The following ABI1 variants were observed in gnomAD, a reference collection of about 807,000 sequenced individuals.
ABI1 encodes abl interactor 1.
Under a neutral mutation model 54.6 loss-of-function variants are expected in ABI1, and 14 were observed. The ratio of observed to expected loss-of-function variants is 0.26; its 90% CI spans 0.17 to 0.40. The LOEUF (loss-of-function observed/expected upper bound fraction) is 0.40. ABI1 is among the 10% of genes least tolerant of loss of function. The pLI is 1.00. For synonymous variants in ABI1, 194 were observed against 209.3 expected, an observed-to-expected ratio of 0.93 and a Z score of 0.63; for missense variants, 443 against 598.3, an observed-to-expected ratio of 0.74 and a Z score of 2.71.
intron 1 of ABI1, among the ~76,000 whole-genome samples, chr10:26,846,007 G>A (rs955800017): frequency 5.9e-5 from 9 of 151,946 alleles, no homozygotes; most frequent in African/African-American, 1.4e-4. Context: ...AGCCAGGCAC[G>A]GTGGTGGGTA....
At chr10:26,859,912 G>A (rs796078927) in intron 1 of ABI1, among the ~76,000 whole-genome samples, 61 of 152,098 alleles carry the variant, frequency 4.0e-4, no homozygotes, top group African/African-American at 1.4e-3. Context: ...AGAACAATTC[G>A]TGTTTGATAA....
At chr10:26,809,137 G>A (rs746338595) in intron 2 of ABI1, among the ~76,000 whole-genome samples, 1 of 151,978 alleles carries the variant, frequency 6.6e-6, no homozygotes, top group African/African-American at 2.4e-5. Flanking sequence ...GAGCATGGTG[G>A]TGGGCGCCTT....
chr10:26,799,625 A>C (rs900807851), intron 2 of ABI1, among the ~76,000 whole-genome samples: 1 of 152,214 alleles, frequency 6.6e-6, no homozygotes, highest in African/African-American at 2.4e-5. Context: ...TCAGAGCTAA[A>C]ACTGAGAGAT....
At chr10:26,786,373 C>T (rs140438283) in intron 2 of ABI1, among the ~76,000 whole-genome samples, 120 of 152,198 alleles carry the variant, frequency 7.9e-4, no homozygotes, top group African/African-American at 2.7e-3. Flanking sequence ...TGCCCCCACA[C>T]CCGGCTTATT....
chr10:26,855,671 C>T (rs2050740238), intron 1 of ABI1, among the ~76,000 whole-genome samples: 1 of 152,102 alleles, frequency 6.6e-6, no homozygotes, highest in Admixed American at 6.5e-5. Flanking sequence ...CCTATGTTGC[C>T]ATAAGAACCC....
At chr10:26,842,780 C>T (rs144095723) in intron 1 of ABI1, among the ~76,000 whole-genome samples, 1,771 of 152,298 alleles carry the variant, frequency 0.012, 41 homozygotes, top group African/African-American at 0.04. Flanking sequence ...GGCGCAGTGG[C>T]TCACGCCTGT....
chr10:26,811,560 C>A (rs921542302), intron 2 of ABI1, among the ~76,000 whole-genome samples: 3 of 152,116 alleles, frequency 2.0e-5, no homozygotes, highest in Admixed American at 6.5e-5. Context: ...AGTCTTAAAA[C>A]AGTAAAGCTG....
intron 1 of ABI1, among the ~76,000 whole-genome samples, chr10:26,828,365 AAT>A (rs1330588879): frequency 6.6e-6 from 1 of 152,224 alleles, no homozygotes; most frequent in East Asian, 1.9e-4. Flanking sequence ...GAATTACCAA[AAT>A]ATGACAGAGA....
At chr10:26,835,615 TACAC>T (rs144455739) in intron 1 of ABI1, among the ~76,000 whole-genome samples, 7 of 149,374 alleles carry the variant, frequency 4.7e-5, no homozygotes, top group African/African-American at 1.2e-4. Context: ...TAATTTTAAA[TACAC>T]ACACACACAC....
At chr10:26,786,293 G>A (rs554741023) in intron 2 of ABI1, among the ~76,000 whole-genome samples, 7 of 150,584 alleles carry the variant, frequency 4.6e-5, no homozygotes, top group Non-Finnish European at 5.9e-5. Context: ...GGCTCACTGC[G>A]CCCTCTGCCT....
At chr10:26,755,783 A>G (rs763197488) in intron 8 of ABI1, 42 bp from the exon 9 acceptor site, 1 of 1,344,126 alleles carries the variant, frequency 7.4e-7, no homozygotes, top group Admixed American at 2.0e-5. Flanking sequence ...AAACAGATAA[A>G]GGAAAGAAAA....
chr10:26,832,449 T>C, intron 1 of ABI1, among the ~76,000 whole-genome samples: 1 of 151,982 alleles, frequency 6.6e-6, no homozygotes, highest in East Asian at 1.9e-4. Context: ...CTGGGAATGG[T>C]GGCGGGCGCC....
At position 26,856,746 on chromosome 10, in the gene ABI1, C is replaced by A. The variant is rs560027384; in HGVS notation, c.117+4001G>T. 2.8e-4 allele frequency among the ~76,000 whole-genome samples: 43 copies of A among 152,274 alleles called. 2 individuals are homozygous for A. The South Asian group carries it at 8.7e-3, about 31-fold the overall frequency. ...AATAAAATTAAATTTTAAAGTTAAG[C>A]TGTATGAAGACTTTTCTGTCCTTAC... On this transcript the variant is annotated intron_variant, in intron 1 of 10. Coordinates refer to ENST00000376140, the MANE Select transcript of ABI1 (RefSeq NM_001012750.3).
At chr10:26,811,924 C>A (rs1327651803) in intron 2 of ABI1, among the ~76,000 whole-genome samples, 2 of 152,164 alleles carry the variant, frequency 1.3e-5, no homozygotes, top group African/African-American at 4.8e-5. Context: ...CTTACAGGAT[C>A]AAATCCAAGA....
chr10:26,769,594 C>T (rs1178715112), intron 5 of ABI1, among the ~76,000 whole-genome samples: 2 of 151,924 alleles, frequency 1.3e-5, no homozygotes, highest in African/African-American at 4.8e-5. Flanking sequence ...ATAATATTTC[C>T]AGTATTAAGA....
chr10:26,849,291 C>G (rs968626449), intron 1 of ABI1, among the ~76,000 whole-genome samples: 1 of 152,004 alleles, frequency 6.6e-6, no homozygotes, highest in Non-Finnish European at 1.5e-5. Context: ...TCATTGTGTT[C>G]TTTACTGCCA....
rs571796005 is a variant in ABI1 at position 26,827,888 on chromosome 10, C to T, written c.118-4583G>A. ...GATTACAGGCGTGAGCCACCGCACC[C>T]GGCCAGCTTTTCTCTTTCTTATGAT... On this transcript the variant is annotated intron_variant, in intron 1 of 10. Transcript: ENST00000376140. 1.4e-4 allele frequency among the ~76,000 whole-genome samples: 22 copies of T among 152,308 alleles called. 1 individual carries two copies. In the South Asian group the frequency reaches 3.1e-3, roughly 22 times the overall value.
chr10:26,767,294 A>C (rs1477391866), intron 6 of ABI1, among the ~76,000 whole-genome samples: 1 of 152,220 alleles, frequency 6.6e-6, no homozygotes, highest in Non-Finnish European at 1.5e-5. Context: ...TAACAGCACC[A>C]ATAGTAATAA....
intron 1 of ABI1, among the ~76,000 whole-genome samples, chr10:26,835,940 T>C (rs10829083): frequency 0.18 from 27,749 of 151,350 alleles, 3,293 homozygotes; most frequent in African/African-American, 0.33. Flanking sequence ...TTTTGTAAAG[T>C]TGGGGTCTCA....
Sources: gnomAD v4.1 joint callset for allele counts (sites outside exome capture counted in the v4.1 genomes callset) on GRCh38, gnomAD v4.1.1 for gene constraint, MANE v1.5 for transcripts, NCBI Gene and HGNC (gene_info 2026-07-23, HGNC 2026-07-21) for gene names.